Variants in PARD3B observed in about 807,000 individuals in gnomAD.
PARD3B encodes partitioning defective 3 homolog B.
A neutral mutation model predicts 130.2 loss-of-function variants in PARD3B; 103 were observed. The ratio of observed to expected loss-of-function variants is 0.79; its 90% CI spans 0.67 to 0.93. The LOEUF is 0.93. Ranked by LOEUF, PARD3B falls within the 40% of genes least tolerant of loss-of-function variation. The pLI is 0.00. For synonymous variants in PARD3B, 583 were observed against 553.2 expected, an observed-to-expected ratio of 1.05 and a Z score of -0.76; for missense variants, 1,609 against 1,499.2, an observed-to-expected ratio of 1.07 and a Z score of -1.21.
At chr2:205,270,096 A>G (rs972878881) in intron 16 of PARD3B, among the ~76,000 whole-genome samples, 1 of 152,202 alleles carries the variant, frequency 6.6e-6, no homozygotes, top group Non-Finnish European at 1.5e-5. Context: ...GTATGAAAAC[A>G]TCTCATGTAC....
intron 2 of PARD3B, among the ~76,000 whole-genome samples, chr2:204,853,182 A>G (rs1269398629): frequency 6.6e-6 from 1 of 152,150 alleles, no homozygotes; most frequent in Non-Finnish European, 1.5e-5. Context: ...ACTATATTCT[A>G]GCTCCGATTT....
Position 204,650,378 on chromosome 2 carries a change from C to T in PARD3B, c.121-35803C>T, listed in dbSNP as rs115973753. Among the ~76,000 whole-genome samples, 1,261 of 152,230 alleles carry T rather than the reference C, an allele frequency of 8.3e-3. 10 individuals are homozygous for T. Among genetic ancestry groups the T allele is most frequent in the African/African-American group, 0.028 (1,159 of 41,524 alleles). Reference sequence around the variant, plus strand: ...GTTAAAAACAGAATGACCATTCAACCCAGCAATCTCATTACTGGGTGTACA... The same window carrying T: ...GTTAAAAACAGAATGACCATTCAACTCAGCAATCTCATTACTGGGTGTACA... On this transcript the variant is annotated intron_variant, in intron 1 of 22. Transcript: ENST00000406610.
chr2:205,514,990 G>A (rs1026780752), intron 21 of PARD3B, among the ~76,000 whole-genome samples: 2 of 151,590 alleles, frequency 1.3e-5, no homozygotes, highest in Non-Finnish European at 2.9e-5. Context: ...TCCCTCCCCC[G>A]ACCTTCCACC....
Position 205,421,722 on chromosome 2 carries a change from G to T in PARD3B, c.2742-18648G>T, listed in dbSNP as rs557166586. Among the ~76,000 whole-genome samples the T allele has an allele frequency of 2.2e-4, 33 of 152,114 alleles. No homozygotes were observed. Among genetic ancestry groups the T allele is most frequent in the Non-Finnish European group, 3.4e-4 (23 of 68,030 alleles). Reference sequence around the variant, plus strand: ...AATTTATTCTCTTAACGTTTTGGAGGCCATAATTCTGAAGTTAGTTTCACT... The same window carrying T: ...AATTTATTCTCTTAACGTTTTGGAGTCCATAATTCTGAAGTTAGTTTCACT... On this transcript the variant is annotated intron_variant, in intron 19 of 22. Coordinates refer to ENST00000406610, the MANE Select transcript of PARD3B (RefSeq NM_001302769.2). The surrounding 1 kb of genome is among the most constrained non-coding windows in gnomAD (Gnocchi z 5.1).
intron 22 of PARD3B, among the ~76,000 whole-genome samples, chr2:205,557,169 C>T (rs995633866): frequency 2.0e-5 from 3 of 152,154 alleles, no homozygotes; most frequent in African/African-American, 7.2e-5. Context: ...GTCCTACATG[C>T]GTGGGCGGCA....
intron 15 of PARD3B, among the ~76,000 whole-genome samples, chr2:205,236,219 A>G (rs531368827): frequency 5.3e-5 from 8 of 152,140 alleles, no homozygotes; most frequent in Non-Finnish European, 1.0e-4. Flanking sequence ...CACACAGGAA[A>G]CTCCAGGTAC....
At chr2:204,553,859 A>C (rs2030722613) in intron 1 of PARD3B, among the ~76,000 whole-genome samples, 1 of 151,158 alleles carries the variant, frequency 6.6e-6, no homozygotes, top group Admixed American at 6.6e-5. Context: ...GGGAGTTCTC[A>C]CTGACACAAA....
intron 18 of PARD3B, among the ~76,000 whole-genome samples, chr2:205,378,893 G>A (rs1317095944): frequency 6.6e-6 from 1 of 151,730 alleles, no homozygotes; most frequent in Non-Finnish European, 1.5e-5. Flanking sequence ...GCCTCGCAAA[G>A]TGCTGGGATT....
chr2:205,375,580 T>C (rs1049087137), intron 18 of PARD3B, among the ~76,000 whole-genome samples: 3 of 152,074 alleles, frequency 2.0e-5, no homozygotes, highest in African/African-American at 7.2e-5. Context: ...TGGCAAGACA[T>C]TGAGTCAGTA....
intron 15 of PARD3B, among the ~76,000 whole-genome samples, chr2:205,214,823 C>T (rs1163533484): frequency 6.6e-6 from 1 of 151,950 alleles, no homozygotes; most frequent in Admixed American, 6.6e-5. Flanking sequence ...ATTAACTAAC[C>T]CATTAGATAT....
chr2:205,012,054 C>A (rs768448569), intron 3 of PARD3B, among the ~76,000 whole-genome samples: 1 of 152,114 alleles, frequency 6.6e-6, no homozygotes, highest in African/African-American at 2.4e-5. Flanking sequence ...TTCCCCAATT[C>A]CTGAGCTTTC....
rs904902999 is a variant in PARD3B, at chr2:205,358,908, C to T, written c.2631-42105C>T. Among the ~76,000 whole-genome samples, 8 of 152,230 alleles carry T rather than the reference C, an allele frequency of 5.3e-5. No homozygotes were observed. The East Asian group carries it at 1.4e-3, about 26-fold the overall frequency. ...TTGTCTTAGACCCTGGTCATGGGGC[C>T]GTATCATTCTTTCCTCTGAACTTGT... is the stretch of plus-strand genomic sequence containing the variant. On this transcript the variant is annotated intron_variant, in intron 18 of 22. Coordinates refer to ENST00000406610, the MANE Select transcript of PARD3B (RefSeq NM_001302769.2).
rs1442912749 is a variant in PARD3B, at chr2:205,265,739, G to A, written c.2185+19917G>A. The stretch of plus-strand genomic sequence containing the variant: ...GCTCTTTTTAACACGATATTTATTA[G>A]GTGCAAGTTACATGCTATTGTAGTA... On this transcript the variant is annotated intron_variant, in intron 16 of 22. Coordinates refer to ENST00000406610, the MANE Select transcript of PARD3B (RefSeq NM_001302769.2). This position sits in a 1 kb window ranked among gnomAD's most constrained non-coding sequence, Gnocchi z 4.3. 1.3e-5 allele frequency among the ~76,000 whole-genome samples: 2 copies of A among 151,870 alleles called. No homozygotes were observed. Among genetic ancestry groups the A allele is most frequent in the Admixed American group, 6.6e-5 (1 of 15,234 alleles).
intron 4 of PARD3B, among the ~76,000 whole-genome samples, chr2:205,071,414 A>T (rs887179216): frequency 1.3e-5 from 2 of 152,214 alleles, no homozygotes; most frequent in East Asian, 3.8e-4. Flanking sequence ...TTACTTCTGT[A>T]TCATGTTCTG....
chr2:204,795,426 G>T (rs552766373), intron 2 of PARD3B, among the ~76,000 whole-genome samples: 1 of 152,184 alleles, frequency 6.6e-6, no homozygotes, highest in Non-Finnish European at 1.5e-5. Context: ...GACTGGTCAC[G>T]TTTGAGGATT....
chr2:204,979,137 C>T (rs1347876007), intron 3 of PARD3B, among the ~76,000 whole-genome samples: 3 of 150,564 alleles, frequency 2.0e-5, no homozygotes, highest in Admixed American at 1.3e-4. Context: ...ACCTGGGAGG[C>T]GGAGCTTGCA....
At chr2:205,188,953 T>G (rs1170437493) in intron 14 of PARD3B, among the ~76,000 whole-genome samples, 2 of 152,186 alleles carry the variant, frequency 1.3e-5, no homozygotes, top group Non-Finnish European at 2.9e-5. Context: ...TCAACCTATT[T>G]TTACTATTAT....
Position 205,144,388 on chromosome 2 carries a change from T to C in PARD3B, c.1435-14334T>C, listed in dbSNP as rs849108. Among the ~76,000 whole-genome samples, 1,156 of 152,322 alleles carry C rather than the reference T, an allele frequency of 7.6e-3. 21 individuals are homozygous for C. Among genetic ancestry groups the C allele is most frequent in the African/African-American group, 0.026 (1,091 of 41,580 alleles). On this transcript the variant is annotated intron_variant, in intron 10 of 22. Coordinates refer to ENST00000406610, the MANE Select transcript of PARD3B (RefSeq NM_001302769.2). ...CATATCATAATTTGGGGATGATTTG[T>C]TATGCAGCATTTGTGTGACAGTAGC...
chr2:205,535,057 C>T (rs1393681673), intron 21 of PARD3B, among the ~76,000 whole-genome samples: 2 of 152,072 alleles, frequency 1.3e-5, no homozygotes, highest in Non-Finnish European at 2.9e-5. Flanking sequence ...TTCTTTTTTG[C>T]ATCTCTCTTA....
Sources: allele counts gnomAD v4.1 joint callset (sites outside exome capture counted in the v4.1 genomes callset), GRCh38; gene constraint gnomAD v4.1.1; non-coding constraint Gnocchi (gnomAD v3.1); transcripts MANE v1.5; gene names NCBI Gene and HGNC (gene_info 2026-07-23, HGNC 2026-07-21).